The following HMCN2 variants were observed in gnomAD, a reference collection of about 807,000 sequenced individuals.
The protein encoded by HMCN2 is hemicentin-2.
Under a neutral mutation model 377.5 loss-of-function variants are expected in HMCN2, and 325 were observed. The observed-to-expected ratio is 0.86, with a 90% CI of 0.79 to 0.94. The LOEUF (loss-of-function observed/expected upper bound fraction) is 0.94, where lower values mean the gene tolerates loss of function less well. HMCN2 is among the 40% of genes least tolerant of loss of function. The probability of loss-of-function intolerance (pLI) is 0.00; values close to 1 mark genes in which losing one functional copy is unlikely to be tolerated. For synonymous variants in HMCN2, 2,007 were observed against 2,046.8 expected, an observed-to-expected ratio of 0.98 and a Z score of 0.53; for missense variants, 4,543 against 4,725.3, an observed-to-expected ratio of 0.96 and a Z score of 1.13.
In HMCN2 at chr9:130,384,742, G is replaced by T; in HGVS notation, c.9050G>T (p.Cys3017Phe). 7.7e-7 allele frequency: 1 copy of T among 1,303,096 alleles called. No individual in the cohort carries two copies. The allele number at this position is 1,303,096 out of a possible 1,614,324, so 80.7% of individuals were successfully genotyped here. The change falls in exon 59 of 98, where the codon TGC becomes TTC. Residue 3017 changes from cysteine to phenylalanine, a missense_variant. Cys to Phe is a radical substitution (Grantham distance 205, BLOSUM62 -2). Around this residue, in one of 5 missense-constraint regions of HMCN2, gnomAD observed 736 missense variants for 773.2 expected, o/e 0.95. Transcript: ENST00000683500. ...ARLSDSGMYTCEALNAAGRDQ... is the reference protein window; with the variant it reads ...ARLSDSGMYTFEALNAAGRDQ... ...CTGTCGGACTCCGGGATGTACACAT[G>T]CGAAGCCCTCAATGCTGCCGGCCGA...
chr9:130,306,373 G>C, intron 12 of HMCN2, 103 bp downstream of exon 12: 1 of 418,166 alleles, frequency 2.4e-6, no homozygotes, highest in Non-Finnish European at 5.0e-6. Context: ...ATGGGGAAGA[G>C]AATTTGCCTT....
At chr9:130,342,571 G>A (rs1839115850) in intron 25 of HMCN2, 135 bp downstream of exon 25, 1 of 152,232 alleles carries the variant, frequency 6.6e-6, no homozygotes, top group African/African-American at 2.4e-5. Flanking sequence ...AGCATGCCAG[G>A]TGGTTCATCC....
At chr9:130,299,537 A>T (rs1836360426) in intron 8 of HMCN2, among the ~76,000 whole-genome samples, 1 of 152,060 alleles carries the variant, frequency 6.6e-6, no homozygotes, top group Non-Finnish European at 1.5e-5. Flanking sequence ...CCATTCATCC[A>T]TCCATCCACC....
At chr9:130,328,714 G>A (rs1013108337) in intron 22 of HMCN2, among the ~76,000 whole-genome samples, 1 of 152,200 alleles carries the variant, frequency 6.6e-6, no homozygotes, top group African/African-American at 2.4e-5. Context: ...CGAACTGCCT[G>A]CTCCCTTCTT....
chr9:130,277,723 ACCACCACCATCATCATCACCACCAC>A (rs1564739211), intron 1 of HMCN2, among the ~76,000 whole-genome samples: 17 of 151,122 alleles, frequency 1.1e-4, no homozygotes, highest in African/African-American at 3.6e-4. Flanking sequence ...CATCACCACC[ACCACCACCATCATCATCACCACCAC>A]CACCATCATC....
chr9:130,393,333 G>A lies in HMCN2; in HGVS notation c.10234+24G>A. Reference sequence around the variant, plus strand: ...GGGTATGGAGCAGGGGGTGGGGCAAGGGGGTCTCTGGCCTTGGTGGGTGAG... The same window carrying A: ...GGGTATGGAGCAGGGGGTGGGGCAAAGGGGTCTCTGGCCTTGGTGGGTGAG... On this transcript the variant is annotated intron_variant, in intron 67 of 97. Coordinates refer to ENST00000683500, the MANE Select transcript of HMCN2 (RefSeq NM_001291815.2). This position sits in a 1 kb window ranked among gnomAD's most constrained non-coding sequence, Gnocchi z 5.2. 1.0e-6 allele frequency: 1 copy of A among 990,392 alleles called. No homozygotes were observed. The highest frequency in any genetic ancestry group is 2.8e-4 in the Middle Eastern group (1 of 3,552). The allele number at this position is 990,392 out of a possible 1,614,324, so 61.4% of individuals were successfully genotyped here.
Position 130,269,175 on chromosome 9 carries a change from C to T in HMCN2, c.259+3038C>T, listed in dbSNP as rs188716548. On this transcript the variant is annotated intron_variant, in intron 1 of 97. Coordinates refer to ENST00000683500, the MANE Select transcript of HMCN2 (RefSeq NM_001291815.2). ...TGGAGACAAACTAAGATCCGTGCTTCGGAAATTTTACAGTTTCTAAATTAA... is the reference window on the plus strand; with the variant it reads ...TGGAGACAAACTAAGATCCGTGCTTTGGAAATTTTACAGTTTCTAAATTAA... 3.4e-5 allele frequency among the ~76,000 whole-genome samples: 5 copies of T among 147,014 alleles called. No individual in the cohort carries two copies. In the East Asian group the frequency reaches 7.9e-4, roughly 23 times the overall value.
intron 1 of HMCN2, among the ~76,000 whole-genome samples, chr9:130,275,914 G>GT (rs1834668099): frequency 6.6e-6 from 1 of 152,120 alleles, no homozygotes; most frequent in African/African-American, 2.4e-5. Flanking sequence ...GACTAGGCAC[G>GT]TCCCTGTCAT....
chr9:130,339,081 A>G (rs1838913955), intron 23 of HMCN2, among the ~76,000 whole-genome samples: 1 of 152,152 alleles, frequency 6.6e-6, no homozygotes, highest in Non-Finnish European at 1.5e-5. Flanking sequence ...CCAGCTACTC[A>G]GGAGGCTGAG....
Position 130,385,688 on chromosome 9 carries a change from G to C in HMCN2, c.9235G>C (p.Gly3079Arg). 7.7e-7 allele frequency: 1 copy of C among 1,304,230 alleles called. No homozygotes were observed. The highest frequency in any genetic ancestry group is 1.2e-5 in the South Asian group (1 of 81,030). The allele number at this position is 1,304,230 out of a possible 1,614,324, so 80.8% of individuals were successfully genotyped here. The change falls in exon 60 of 98, where the codon GGG (glycine) becomes CGG (arginine). Residue 3079 changes from glycine (G) to arginine (R), a missense_variant. Physicochemically the swap from Gly to Arg is moderately radical, Grantham distance 125. This residue lies in a region of HMCN2 where 736 missense variants were observed against 773.2 expected (regional missense o/e 0.95). Coordinates refer to ENST00000683500, the MANE Select transcript of HMCN2 (RefSeq NM_001291815.2). ...GCCAACTGTGACCTGGTACAAGGAT[G>C]GGCAGCCCCTGGTCCTGGCACAGCG... is the stretch of plus-strand genomic sequence containing the variant. ...PEPTVTWYKD[G>R]QPLVLAQRTQ...
At chr9:130,344,116 G>C (rs1369347909) in intron 25 of HMCN2, among the ~76,000 whole-genome samples, 1 of 152,226 alleles carries the variant, frequency 6.6e-6, no homozygotes, top group Non-Finnish European at 1.5e-5. Flanking sequence ...TTTAGGCTGA[G>C]ATTGTGGTAA....
At chr9:130,294,594 T>G (rs11794534) in intron 4 of HMCN2, among the ~76,000 whole-genome samples, 74,955 of 151,930 alleles carry the variant, frequency 0.49, 20,106 homozygotes, top group African/African-American at 0.73. Context: ...TGGAGAAGTG[T>G]GGAAGAGTCT....
At chr9:130,403,004 C>A in intron 78 of HMCN2, 108 bp downstream of exon 78, 1 of 1,013,648 alleles carries the variant, frequency 9.9e-7, no homozygotes, top group Non-Finnish European at 1.3e-6. Flanking sequence ...GTCTCAGAGG[C>A]CCCGACCTGT....
chr9:130,392,788 A>AGGG (rs1302046094), intron 66 of HMCN2, among the ~76,000 whole-genome samples: 1 of 152,120 alleles, frequency 6.6e-6, no homozygotes, highest in Non-Finnish European at 1.5e-5. Flanking sequence ...CAAGGTCAGG[A>AGGG]GATCAAGACC....
intron 1 of HMCN2, among the ~76,000 whole-genome samples, chr9:130,266,503 AG>A (rs1388955634): frequency 6.6e-6 from 1 of 152,214 alleles, no homozygotes; most frequent in East Asian, 1.9e-4. Flanking sequence ...ATTCCTCTCG[AG>A]GACTTGGGAC....
chr9:130,272,821 G>A (rs1020523566), intron 1 of HMCN2, among the ~76,000 whole-genome samples: 3 of 152,230 alleles, frequency 2.0e-5, no homozygotes, highest in Admixed American at 1.3e-4. Flanking sequence ...GCCTCCCAAA[G>A]TGCTGGGATT....
intron 47 of HMCN2, 26 bp downstream of exon 47, chr9:130,372,433 G>GACACCCATGAGAA: frequency 2.1e-6 from 2 of 932,492 alleles, no homozygotes; most frequent in Non-Finnish European, 2.6e-6. Flanking sequence ...ATTCTCATGG[G>GACACCCATGAGAA]TGCCCTATGA....
At chr9:130,388,826 C>T (rs11244129) in intron 62 of HMCN2, among the ~76,000 whole-genome samples, 39,784 of 152,010 alleles carry the variant, frequency 0.26, 5,446 homozygotes, top group African/African-American at 0.34. Context: ...CTCTCCATTG[C>T]GCAGGGCAGG....
At chr9:130,348,441 T>G in intron 26 of HMCN2, 104 bp from the exon 27 acceptor site, 1 of 1,234,140 alleles carries the variant, frequency 8.1e-7, no homozygotes, top group South Asian at 1.4e-5. Context: ...GCAGACCTTC[T>G]CCAACCCCAG....
Sources: allele counts gnomAD v4.1 joint callset (sites outside exome capture counted in the v4.1 genomes callset), GRCh38; gene constraint gnomAD v4.1.1; regional missense constraint gnomAD v4.1.1; non-coding constraint Gnocchi (gnomAD v3.1); transcripts MANE v1.5; gene names NCBI Gene and HGNC (gene_info 2026-07-23, HGNC 2026-07-21).